Variants in SYT2 observed in about 807,000 individuals in gnomAD.
SYT2 encodes synaptotagmin 2, also known as synaptotagmin-2.
A neutral mutation model predicts 39.9 loss-of-function variants in SYT2; 15 were observed. The observed-to-expected ratio is 0.38, with a 90% CI of 0.25 to 0.58. The LOEUF is 0.58. Among genes scored for constraint, SYT2 ranks in the 20% least tolerant of loss-of-function variants. SYT2 has a pLI of 0.70. For synonymous variants in SYT2, 181 were observed against 204.5 expected, an observed-to-expected ratio of 0.89 and a Z score of 0.98; for missense variants, 389 against 530.3, an observed-to-expected ratio of 0.73 and a Z score of 2.62.
At chr1:202,600,191 G>A (rs1017587052) in intron 7 of SYT2, among the ~76,000 whole-genome samples, 166 bp downstream of exon 7, 8 of 152,222 alleles carry the variant, frequency 5.3e-5, no homozygotes, top group Non-Finnish European at 1.0e-4. Flanking sequence ...AGGGGCCCTT[G>A]GAGAAAAGGA....
At chr1:202,649,985 A>T (rs1692160575) in intron 1 of SYT2, among the ~76,000 whole-genome samples, 1 of 152,324 alleles carries the variant, frequency 6.6e-6, no homozygotes. Context: ...AAAAGTACAG[A>T]TCTTCTCCAT....
intron 1 of SYT2, among the ~76,000 whole-genome samples, chr1:202,644,224 T>TG (rs988315010): frequency 1.3e-5 from 2 of 151,726 alleles, no homozygotes; most frequent in African/African-American, 4.8e-5. Flanking sequence ...GGTACGGGTG[T>TG]GGGGGAGAGG....
chr1:202,648,419 C>T (rs1389069492), intron 1 of SYT2, among the ~76,000 whole-genome samples: 2 of 152,102 alleles, frequency 1.3e-5, no homozygotes, highest in Non-Finnish European at 2.9e-5. Flanking sequence ...TGACCTCAAG[C>T]GATCTGCCCA....
At chr1:202,680,963 C>T (rs1653509753) in intron 1 of SYT2, among the ~76,000 whole-genome samples, 1 of 152,136 alleles carries the variant, frequency 6.6e-6, no homozygotes, top group African/African-American at 2.4e-5. Flanking sequence ...ACTGTTTCCC[C>T]ATCACTGCTT....
chr1:202,600,554 A>G, intron 6 of SYT2, 80 bp from the exon 7 acceptor site: 1 of 1,321,248 alleles, frequency 7.6e-7, no homozygotes, highest in East Asian at 2.3e-5. Context: ...TCTTGCCAAA[A>G]TTAGCAAGGC....
At chr1:202,672,405 C>T (rs1305691688) in intron 1 of SYT2, among the ~76,000 whole-genome samples, 1 of 152,066 alleles carries the variant, frequency 6.6e-6, no homozygotes, top group Non-Finnish European at 1.5e-5. Context: ...GAAGAGGGCC[C>T]TCACCCAGAA....
intron 1 of SYT2, among the ~76,000 whole-genome samples, chr1:202,660,751 G>A (rs1196473596): frequency 1.3e-5 from 2 of 152,134 alleles, no homozygotes; most frequent in Non-Finnish European, 2.9e-5. Flanking sequence ...CCAAAGTGGT[G>A]GGATTACAGG....
At chr1:202,605,477 T>C in intron 2 of SYT2, 118 bp downstream of exon 2, 1 of 1,004,660 alleles carries the variant, frequency 1.0e-6, no homozygotes, top group Non-Finnish European at 1.4e-6. Flanking sequence ...AAACCCAGCC[T>C]GAAATCTAAG....
At position 202,640,802 on chromosome 1, in the gene SYT2, CAGAG is replaced by C. The variant is rs1442941888; in HGVS notation, c.-17-35017_-17-35014del. ...AGAGAGAGAGAGAGAGACAGACAGA[CAGAG>C]AGACAGAGAGACAGTGAGACAGAGC... On this transcript the variant is annotated intron_variant, in intron 1 of 8. Coordinates refer to ENST00000367268, the MANE Select transcript of SYT2 (RefSeq NM_177402.5). Among the ~76,000 whole-genome samples, 214 of 101,098 alleles carry C rather than the reference CAGAG, an allele frequency of 2.1e-3. 1 individual carries two copies. Among genetic ancestry groups the C allele is most frequent in the Middle Eastern group, 0.018 (3 of 166 alleles). The allele number at this position is 101,098 out of a possible 152,430, so 66.3% of individuals were successfully genotyped here.
rs1008313837 is a variant in SYT2, at chr1:202,623,987, G to A, written c.-17-18198C>T. On this transcript the variant is annotated intron_variant, in intron 1 of 8. Coordinates refer to ENST00000367268, the MANE Select transcript of SYT2 (RefSeq NM_177402.5). This position sits in a 1 kb window ranked among gnomAD's most constrained non-coding sequence, Gnocchi z 4.2. ...ACATCTTCAATTTCAGCTACAAACT[G>A]TTACAAATTGATGCATTTTCTTTCT... 5.3e-5 allele frequency among the ~76,000 whole-genome samples: 8 copies of A among 152,218 alleles called. No individual in the cohort carries two copies. Among genetic ancestry groups the A allele is most frequent in the Non-Finnish European group, 7.3e-5 (5 of 68,042 alleles).
intron 1 of SYT2, among the ~76,000 whole-genome samples, chr1:202,635,056 G>C (rs1234153239): frequency 1.3e-5 from 2 of 152,260 alleles, no homozygotes; most frequent in Non-Finnish European, 2.9e-5. Context: ...CAATAAAGCT[G>C]TTTTCAAAAA....
intron 1 of SYT2, among the ~76,000 whole-genome samples, chr1:202,645,976 G>A (rs771294917): frequency 2.0e-5 from 3 of 152,210 alleles, no homozygotes; most frequent in Admixed American, 6.5e-5. Flanking sequence ...GCAGCAGGGC[G>A]AGGAAGGGAT....
chr1:202,689,782 C>A (rs1653771573), intron 1 of SYT2, among the ~76,000 whole-genome samples: 1 of 151,906 alleles, frequency 6.6e-6, no homozygotes. Context: ...CTGGTAGTTC[C>A]CCAACATTCT....
At chr1:202,636,479 G>T in intron 1 of SYT2, 1 of 829,154 alleles carries the variant, frequency 1.2e-6, no homozygotes, top group Non-Finnish European at 1.5e-6. Context: ...TGGGAGAAGT[G>T]AGAAAGACAG....
chr1:202,696,759 G>A (rs1460037999), intron 1 of SYT2, among the ~76,000 whole-genome samples: 1 of 152,228 alleles, frequency 6.6e-6, no homozygotes, highest in South Asian at 2.1e-4. Flanking sequence ...CAACACTGAG[G>A]AGTGAGTAGA....
intron 1 of SYT2, among the ~76,000 whole-genome samples, chr1:202,707,484 C>G (rs960691535): frequency 6.6e-6 from 1 of 152,168 alleles, no homozygotes; most frequent in Non-Finnish European, 1.5e-5. Context: ...TCAGCTAGGA[C>G]CTGCCTAGAC....
chr1:202,653,102 C>T (rs909768547), intron 1 of SYT2, among the ~76,000 whole-genome samples: 4 of 152,024 alleles, frequency 2.6e-5, no homozygotes, highest in Non-Finnish European at 2.9e-5. Context: ...CATCTCAATG[C>T]CACTATTTTC....
chr1:202,619,558 G>A (rs1691149536), intron 1 of SYT2, among the ~76,000 whole-genome samples: 1 of 152,228 alleles, frequency 6.6e-6, no homozygotes, highest in African/African-American at 2.4e-5. Flanking sequence ...CTCTGCCATT[G>A]CACCCTGTCT....
intron 1 of SYT2, among the ~76,000 whole-genome samples, chr1:202,682,409 A>G (rs145331725): frequency 2.6e-5 from 4 of 152,358 alleles, no homozygotes; most frequent in Non-Finnish European, 5.9e-5. Context: ...GAAAGGTGTC[A>G]CAAGGCAGAA....
Sources: gnomAD v4.1 joint callset for allele counts (sites outside exome capture counted in the v4.1 genomes callset) on GRCh38, gnomAD v4.1.1 for gene constraint, Gnocchi (gnomAD v3.1) non-coding constraint, MANE v1.5 for transcripts, NCBI Gene and HGNC (gene_info 2026-07-23, HGNC 2026-07-21) for gene names.